The following RTN4RL1 variants were observed in gnomAD, a reference collection of about 807,000 sequenced individuals.
The protein encoded by RTN4RL1 is reticulon-4 receptor-like 1.
In RTN4RL1, 7 loss-of-function variants were observed where a neutral mutation model predicts 25.6. The observed-to-expected ratio is 0.27, with a 90% CI of 0.16 to 0.51. RTN4RL1 has a LOEUF of 0.51. Among genes scored for constraint, RTN4RL1 ranks in the 20% least tolerant of loss-of-function variants. The pLI is 0.97. For synonymous variants in RTN4RL1, 297 were observed against 288.2 expected, an observed-to-expected ratio of 1.03 and a Z score of -0.31; for missense variants, 500 against 615.6, an observed-to-expected ratio of 0.81 and a Z score of 1.99.
chr17:1,946,257 C>T (rs1915536216), intron 1 of RTN4RL1, among the ~76,000 whole-genome samples: 1 of 152,206 alleles, frequency 6.6e-6, no homozygotes, highest in Non-Finnish European at 1.5e-5. Flanking sequence ...TCAGGCAAAT[C>T]CAAGCCTGTG....
intron 1 of RTN4RL1, among the ~76,000 whole-genome samples, chr17:1,970,587 C>T (rs1027500505): frequency 6.6e-6 from 1 of 152,166 alleles, no homozygotes; most frequent in Admixed American, 6.5e-5. Context: ...AGACTGGCCA[C>T]GACCCAGCTT....
intron 1 of RTN4RL1, among the ~76,000 whole-genome samples, chr17:2,001,880 G>A (rs922253363): frequency 1.3e-5 from 2 of 150,318 alleles, no homozygotes; most frequent in Admixed American, 1.3e-4. Context: ...TGCAGCATCA[G>A]CTCCCCCCGT....
intron 1 of RTN4RL1, among the ~76,000 whole-genome samples, chr17:1,983,154 G>A (rs538392335): frequency 1.2e-3 from 177 of 151,852 alleles, no homozygotes; most frequent in Non-Finnish European, 1.8e-3. Flanking sequence ...AGGTTCAAGC[G>A]ATTACAGTAG....
chr17:1,936,238 C>T lies in RTN4RL1; in HGVS notation c.*258G>A. On this transcript the variant is annotated 3_prime_UTR_variant, in exon 2 of 2. Coordinates refer to ENST00000331238, the MANE Select transcript of RTN4RL1 (RefSeq NM_178568.4). ...CTTGGAGTGCCTTTTCCCACCTTGC[C>T]AGAGTGGACACTGTCCGTGGGCGCT... The T allele has an allele frequency of 1.5e-6, 2 of 1,294,180 alleles. No individual in the cohort carries two copies. Among genetic ancestry groups the T allele is most frequent in the Non-Finnish European group, 2.0e-6 (2 of 1,024,056 alleles). The allele number at this position is 1,294,180 out of a possible 1,614,324, so 80.2% of individuals were successfully genotyped here.
chr17:1,961,482 G>A (rs976219906), intron 1 of RTN4RL1, among the ~76,000 whole-genome samples: 80 of 152,298 alleles, frequency 5.3e-4, no homozygotes, highest in African/African-American at 1.8e-3. Flanking sequence ...GCCTCCCACA[G>A]AGAGAACATT....
intron 1 of RTN4RL1, among the ~76,000 whole-genome samples, chr17:1,972,932 C>T (rs557508912): frequency 2.0e-5 from 3 of 152,136 alleles, no homozygotes; most frequent in Admixed American, 6.6e-5. Flanking sequence ...AAGCAGCGGC[C>T]GAAATGAAAT....
chr17:1,986,592 G>A (rs546308691), intron 1 of RTN4RL1, among the ~76,000 whole-genome samples: 2 of 152,246 alleles, frequency 1.3e-5, no homozygotes, highest in Admixed American at 6.5e-5. Flanking sequence ...CTGGAGCGAT[G>A]CAGCCACAGA....
chr17:1,957,758 C>T (rs997645940), intron 1 of RTN4RL1, among the ~76,000 whole-genome samples: 1 of 152,106 alleles, frequency 6.6e-6, no homozygotes, highest in Non-Finnish European at 1.5e-5. Context: ...GCAGGAGAAT[C>T]GCTTGAACCC....
At position 1,935,549 on chromosome 17, in the gene RTN4RL1, T is replaced by C. The variant is rs1321583300; in HGVS notation, c.*947A>G. 10 of 985,498 alleles carry C rather than the reference T, an allele frequency of 1.0e-5. No homozygotes were observed. The highest frequency in any genetic ancestry group is 1.2e-5 in the Non-Finnish European group (10 of 829,876). 61.0% of individuals were successfully genotyped at this position (985,498 alleles called of 1,614,324 possible). A position where few individuals can be genotyped will look rare whatever the true frequency, so the allele number is the denominator to read the frequency against. Reference sequence around the variant, plus strand: ...GCAAGGCCAGGTCCCTTGGAGACTATCGTTGCCAGTTTGGGATTCTAGACA... The same window carrying C: ...GCAAGGCCAGGTCCCTTGGAGACTACCGTTGCCAGTTTGGGATTCTAGACA... On this transcript the variant is annotated 3_prime_UTR_variant, in exon 2 of 2. Coordinates refer to ENST00000331238, the MANE Select transcript of RTN4RL1 (RefSeq NM_178568.4).
chr17:1,993,336 G>C (rs1363674381), intron 1 of RTN4RL1, among the ~76,000 whole-genome samples: 1 of 152,206 alleles, frequency 6.6e-6, no homozygotes, highest in Admixed American at 6.5e-5. Context: ...AGAATTAGAA[G>C]AATTAGCCTT....
At chr17:1,999,879 T>G (rs1240500163) in intron 1 of RTN4RL1, among the ~76,000 whole-genome samples, 1 of 152,214 alleles carries the variant, frequency 6.6e-6, no homozygotes, top group Admixed American at 6.5e-5. Flanking sequence ...TTCTCGCCTC[T>G]CCTCTCCTGT....
chr17:1,935,820 A>G lies in RTN4RL1; in HGVS notation c.*676T>C. Reference sequence around the variant, plus strand: ...AAACTGCACCTTCTGTGAGAACCTCATTGCCCGGGATGAAGTTCTAGATTT... The same window carrying G: ...AAACTGCACCTTCTGTGAGAACCTCGTTGCCCGGGATGAAGTTCTAGATTT... On this transcript the variant is annotated 3_prime_UTR_variant, in exon 2 of 2. Coordinates refer to ENST00000331238, the MANE Select transcript of RTN4RL1 (RefSeq NM_178568.4). The G allele has an allele frequency of 1.0e-6, 1 of 981,826 alleles. No homozygotes were observed. The highest frequency in any genetic ancestry group is 1.2e-6 in the Non-Finnish European group (1 of 829,102). 60.8% of individuals were successfully genotyped at this position (981,826 alleles called of 1,614,324 possible).
intron 1 of RTN4RL1, among the ~76,000 whole-genome samples, chr17:1,949,802 G>T (rs1397066028): frequency 6.6e-6 from 1 of 152,240 alleles, no homozygotes; most frequent in African/African-American, 2.4e-5. Context: ...GGACAAAAAG[G>T]GTTGAGATAG....
At chr17:1,979,292 A>C (rs1281769698) in intron 1 of RTN4RL1, among the ~76,000 whole-genome samples, 1 of 150,302 alleles carries the variant, frequency 6.7e-6, no homozygotes, top group East Asian at 2.0e-4. Flanking sequence ...AAAATAAAAA[A>C]CAAAAAACCC....
chr17:1,973,973 A>G (rs1191459940), intron 1 of RTN4RL1, among the ~76,000 whole-genome samples: 2 of 144,610 alleles, frequency 1.4e-5, no homozygotes, highest in African/African-American at 5.2e-5. Context: ...CATGAAGCGG[A>G]GATTGCAGTG....
In RTN4RL1 at chr17:2,024,932, T is replaced by A; in HGVS notation, c.-67A>T. On this transcript the variant is annotated 5_prime_UTR_variant, in exon 1 of 2. Transcript: ENST00000331238. Reference sequence around the variant, plus strand: ...CTCCCTCCCGGGGTCCAGATTCAAATCCCTGGGCGCCAGCTGCAGCTAATC... The same window carrying A: ...CTCCCTCCCGGGGTCCAGATTCAAAACCCTGGGCGCCAGCTGCAGCTAATC... 6.7e-7 allele frequency: 1 copy of A among 1,500,472 alleles called. No individual in the cohort carries two copies. The highest frequency in any genetic ancestry group is 9.0e-7 in the Non-Finnish European group (1 of 1,109,158). The allele number at this position is 1,500,472 out of a possible 1,614,324, so 92.9% of individuals were successfully genotyped here. A position where few individuals can be genotyped will look rare whatever the true frequency, so the allele number is the denominator to read the frequency against.
chr17:1,936,827 G>T lies in RTN4RL1; in HGVS notation c.995C>A (p.Pro332His), dbSNP rs1230291799. 2 of 1,585,348 alleles carry T rather than the reference G, an allele frequency of 1.3e-6. No individual in the cohort carries two copies. Among genetic ancestry groups the T allele is most frequent in the Admixed American group, 3.6e-5 (2 of 55,488 alleles). The change falls in exon 2 of 2, where the codon CCC (proline) becomes CAC (histidine). Residue 332 changes from proline (P) to histidine (H), a missense_variant. This residue lies in a region of RTN4RL1 where 268 missense variants were observed against 274.5 expected (regional missense o/e 0.98). Transcript: ENST00000331238. ...GCCCTTGCTCCTGGTGGGGCCGTGG[G>T]GTGAGTGGTGTTCCTTGCGGGCGGC... is the stretch of plus-strand genomic sequence containing the variant. ...DRAARKEHHS[P>H]HGPTRSKGHP...
chr17:2,010,962 C>A (rs919946522), intron 1 of RTN4RL1, among the ~76,000 whole-genome samples: 1 of 152,016 alleles, frequency 6.6e-6, no homozygotes, highest in East Asian at 1.9e-4. Context: ...GTTAAATAAA[C>A]GTTTGTCGGC....
At chr17:2,002,289 T>C (rs2066963314) in intron 1 of RTN4RL1, among the ~76,000 whole-genome samples, 1 of 151,072 alleles carries the variant, frequency 6.6e-6, no homozygotes. Context: ...TTTTTTTAAT[T>C]TTTAATTTTA....
Sources: gnomAD v4.1 joint callset for allele counts (sites outside exome capture counted in the v4.1 genomes callset) on GRCh38, gnomAD v4.1.1 for gene constraint, gnomAD v4.1.1 regional missense constraint, MANE v1.5 for transcripts, NCBI Gene and HGNC (gene_info 2026-07-23, HGNC 2026-07-21) for gene names.